The following RAB9B variants were observed in gnomAD, a reference collection of about 807,000 sequenced individuals.
RAB9B encodes the protein ras-related protein Rab-9B.
Under a neutral mutation model 8.9 loss-of-function variants are expected in RAB9B, and 1 was observed. The observed-to-expected ratio is 0.11, with a 90% CI of 0.04 to 0.53. The LOEUF (loss-of-function observed/expected upper bound fraction) is 0.53, where lower values mean the gene tolerates loss of function less well. Among genes scored for constraint, RAB9B ranks in the 20% least tolerant of loss-of-function variants. The pLI, the probability that RAB9B is intolerant of heterozygous loss-of-function variation, is 0.93. For synonymous variants in RAB9B, 63 were observed against 57.0 expected (o/e 1.10, Z -0.47); for missense variants, 82 against 152.9 (o/e 0.54, Z 2.45).
the RAB9B span, chrX:103,776,861 G>C: frequency 2.1e-5 from 13 of 632,336 alleles, no homozygotes; most frequent in South Asian, 3.3e-4. Flanking sequence ...AGGAGAAGAG[G>C]ACAAAGATAC....
the RAB9B span, chrX:103,780,253 A>G: frequency 1.8e-5 from 2 of 112,413 alleles, no homozygotes; most frequent in Non-Finnish European, 3.8e-5. Context: ...ATGGTGGGAG[A>G]CTGACCTGAG....
chrX:103,816,467 C>A, the RAB9B span, among the ~76,000 whole-genome samples: 1 of 111,759 alleles, frequency 8.9e-6, no homozygotes, highest in African/African-American at 3.3e-5. Flanking sequence ...AGACCTAGGA[C>A]CATAAACATC....
rs778302322 is a variant in RAB9B at position 103,828,156 on chromosome X, A to T, written c.-116-1078T>A. ...TCTTACTGAGGAAGAACGAAGCTTTAAAAAAAAATCTGCTGCTTAATAATC... is the reference window on the plus strand; with the variant it reads ...TCTTACTGAGGAAGAACGAAGCTTTTAAAAAAAATCTGCTGCTTAATAATC... On this transcript the variant is annotated intron_variant, in intron 1 of 2. Coordinates refer to ENST00000243298, the MANE Select transcript of RAB9B (RefSeq NM_016370.4). Among the ~76,000 whole-genome samples, 3 of 111,205 alleles carry T rather than the reference A, an allele frequency of 2.7e-5. No individual in the cohort carries two copies. In the East Asian group the frequency reaches 8.4e-4, roughly 31 times the overall value.
At chrX:103,781,718 T>C in the RAB9B span, among the ~76,000 whole-genome samples, 2 of 112,641 alleles carry the variant, frequency 1.8e-5, no homozygotes, top group Middle Eastern at 9.3e-3. Context: ...TATTTTTCTC[T>C]ATGACCTTTC....
At chrX:103,788,045 GA>G in the RAB9B span, 2 of 805,738 alleles carry the variant, frequency 2.5e-6, no homozygotes, top group Non-Finnish European at 3.8e-6. Context: ...TTAGTGTAAG[GA>G]GGGTGGTGAT....
the RAB9B span, among the ~76,000 whole-genome samples, chrX:103,816,709 T>C: frequency 3.6e-5 from 4 of 112,261 alleles, no homozygotes; most frequent in Non-Finnish European, 7.5e-5. Flanking sequence ...ATCCAGAATC[T>C]ATACAGAATT....
intron 1 of RAB9B, 36 bp from the exon 2 acceptor site, chrX:103,827,114 AT>A (rs1453496473): frequency 9.1e-6 from 1 of 109,901 alleles, no homozygotes; most frequent in Admixed American, 9.7e-5. Flanking sequence ...TTTTAAAAAA[AT>A]CTATAATAAA....
At chrX:103,818,260 A>AT (rs1483335109), downstream of RAB9B, among the ~76,000 whole-genome samples, 7 of 111,565 alleles carry the variant, frequency 6.3e-5, no homozygotes, top group East Asian at 2.8e-4. Context: ...GCATGAGATC[A>AT]TTTTTTCACC....
chrX:103,788,289 C>T, the RAB9B span: 9 of 558,907 alleles, frequency 1.6e-5, no homozygotes, highest in Admixed American at 2.2e-4. Flanking sequence ...TTTTTGTAAA[C>T]CTGTAGAAAA....
chrX:103,802,206 A>AAG, the RAB9B span, among the ~76,000 whole-genome samples: 8 of 96,302 alleles, frequency 8.3e-5, no homozygotes, highest in East Asian at 3.4e-4. Context: ...GAGAGAGAGA[A>AAG]AGAGAGAGAG....
the RAB9B span, among the ~76,000 whole-genome samples, chrX:103,808,394 G>A: frequency 8.9e-6 from 1 of 111,846 alleles, no homozygotes; most frequent in Non-Finnish European, 1.9e-5. Context: ...AGAGAGCCTC[G>A]TTCTCCAGAA....
the RAB9B span, among the ~76,000 whole-genome samples, chrX:103,787,209 G>A: frequency 1.8e-5 from 2 of 111,846 alleles, no homozygotes; most frequent in African/African-American, 3.3e-5. Context: ...GGGAATTGGA[G>A]TAGATCTGCA....
chrX:103,791,289 G>A, the RAB9B span: 2 of 99,706 alleles, frequency 2.0e-5, no homozygotes, highest in Admixed American at 1.0e-4. Context: ...TAGACGAAGG[G>A]GGCATCTGGC....
At chrX:103,781,975 T>C in the RAB9B span, among the ~76,000 whole-genome samples, 1 of 83 alleles carries the variant, frequency 0.012, no homozygotes, top group Non-Finnish European at 0.029. Context: ...TGTTCACACA[T>C]ACCCAAGGGA....
At chrX:103,802,454 T>C in the RAB9B span, among the ~76,000 whole-genome samples, 1 of 111,736 alleles carries the variant, frequency 8.9e-6, no homozygotes, top group Non-Finnish European at 1.9e-5. Flanking sequence ...TCTAGTTGGA[T>C]ACATAGAGTT....
the RAB9B span, chrX:103,776,753 TGGGGAAAAGGG>T: frequency 3.2e-6 from 1 of 313,958 alleles, no homozygotes; most frequent in African/African-American, 7.2e-5. Flanking sequence ...CCTGAGTAGG[TGGGGAAAAGGG>T]GAGGAGAAGG....
chrX:103,797,294 G>A, the RAB9B span, among the ~76,000 whole-genome samples: 2 of 110,197 alleles, frequency 1.8e-5, no homozygotes, highest in Non-Finnish European at 3.8e-5. Context: ...GTTTTGCCAT[G>A]TTGCCCAGGC....
downstream of RAB9B, among the ~76,000 whole-genome samples, chrX:103,818,587 A>G (rs1244237436): frequency 8.9e-6 from 1 of 111,779 alleles, no homozygotes; most frequent in Non-Finnish European, 1.9e-5. Flanking sequence ...AAGTTTAGCA[A>G]TATGGGTAAT....
At chrX:103,818,911 C>T (rs2074649623), downstream of RAB9B, among the ~76,000 whole-genome samples, 1 of 111,028 alleles carries the variant, frequency 9.0e-6, no homozygotes, top group African/African-American at 3.3e-5. Context: ...AAAAAAAGAA[C>T]ATTTTAAAGC....
Sources: gnomAD v4.1 joint callset for allele counts (sites outside exome capture counted in the v4.1 genomes callset) on GRCh38, gnomAD v4.1.1 for gene constraint, MANE v1.5 for transcripts, NCBI Gene and HGNC (gene_info 2026-07-23, HGNC 2026-07-21) for gene names.